The following RAPGEF1 variants were observed in gnomAD, a reference collection of about 807,000 sequenced individuals.
RAPGEF1 encodes CRK SH3-binding GNRP.
A neutral mutation model predicts 143.3 loss-of-function variants in RAPGEF1; 33 were observed. The ratio of observed to expected loss-of-function variants is 0.23; its 90% CI spans 0.17 to 0.31. The LOEUF is 0.31. RAPGEF1 is among the 10% of genes least tolerant of loss of function. The pLI, the probability that RAPGEF1 is intolerant of heterozygous loss-of-function variation, is 1.00. For missense variants in RAPGEF1, 1,199 were observed against 1,645.4 expected (o/e 0.73, Z 4.69); for synonymous variants, 629 against 676.5 (o/e 0.93, Z 1.09).
chr9:131,603,100 A>G (rs1365463229), intron 14 of RAPGEF1, among the ~76,000 whole-genome samples: 1 of 152,044 alleles, frequency 6.6e-6, no homozygotes, highest in Admixed American at 6.5e-5. Flanking sequence ...ATGTTCTATA[A>G]CCTGCTAATG....
intron 19 of RAPGEF1, 130 bp downstream of exon 19, chr9:131,589,756 A>G: frequency 1.2e-6 from 1 of 821,606 alleles, no homozygotes; most frequent in Non-Finnish European, 2.0e-6. Context: ...GGCACAGGCC[A>G]TTCTCTCAAA....
At chr9:131,683,720 T>C (rs373049288) in intron 1 of RAPGEF1, among the ~76,000 whole-genome samples, 1 of 152,248 alleles carries the variant, frequency 6.6e-6, no homozygotes, top group Non-Finnish European at 1.5e-5. Context: ...AGATGCCCTA[T>C]ATTTCAGCTC....
At chr9:131,651,090 T>C in intron 1 of RAPGEF1, 141 bp from the exon 2 acceptor site, 1 of 1,087,240 alleles carries the variant, frequency 9.2e-7, no homozygotes, top group Non-Finnish European at 1.3e-6. Context: ...GACGTATGGA[T>C]CCATTACAAA....
chr9:131,709,716 C>A, intron 1 of RAPGEF1: 2 of 1,613,496 alleles, frequency 1.2e-6, no homozygotes, highest in East Asian at 2.2e-5. Context: ...CCCTTCCCAG[C>A]CCCAGCGTCT....
At chr9:131,687,906 C>T (rs1020180502) in intron 1 of RAPGEF1, among the ~76,000 whole-genome samples, 1 of 152,178 alleles carries the variant, frequency 6.6e-6, no homozygotes, top group Non-Finnish European at 1.5e-5. Context: ...TGACAAAACC[C>T]TATGGGCTGT....
At chr9:131,630,536 G>A (rs1964560304) in intron 5 of RAPGEF1, among the ~76,000 whole-genome samples, 1 of 152,202 alleles carries the variant, frequency 6.6e-6, no homozygotes, top group African/African-American at 2.4e-5. Flanking sequence ...TTCATGGCAT[G>A]TCAAGTTTCA....
chr9:131,709,678 G>C, intron 1 of RAPGEF1: 1 of 1,613,908 alleles, frequency 6.2e-7, no homozygotes, highest in African/African-American at 1.3e-5. Context: ...CAATAGCATT[G>C]CCCATTTTAA....
At position 131,588,789 on chromosome 9, in the gene RAPGEF1, T is replaced by A; in HGVS notation, c.3053+12A>T. ...TGGGGAAGAGGCAGGGCTGGAGAGG[T>A]GGGCTTCTCACCTGGCTGCTACCCC... On this transcript the variant is annotated intron_variant, in intron 20 of 26. Coordinates refer to ENST00000683357, the MANE Select transcript of RAPGEF1 (RefSeq NM_001377935.1). 6.2e-7 allele frequency: 1 copy of A among 1,600,328 alleles called. No individual in the cohort carries two copies. Among genetic ancestry groups the A allele is most frequent in the Non-Finnish European group, 8.5e-7 (1 of 1,173,750 alleles).
At chr9:131,592,031 G>T in intron 18 of RAPGEF1, 68 bp downstream of exon 18, 1 of 1,269,050 alleles carries the variant, frequency 7.9e-7, no homozygotes, top group Non-Finnish European at 1.1e-6. Flanking sequence ...GGACTGAAGG[G>T]CAAGAGGGTC....
chr9:131,618,762 G>C (rs1959680339), intron 12 of RAPGEF1, among the ~76,000 whole-genome samples: 1 of 152,174 alleles, frequency 6.6e-6, no homozygotes, highest in Admixed American at 6.5e-5. Context: ...AAGGTCCAAA[G>C]CGAGATTGGG....
chr9:131,597,361 G>A (rs1335623520), intron 16 of RAPGEF1, among the ~76,000 whole-genome samples: 1 of 152,214 alleles, frequency 6.6e-6, no homozygotes, highest in East Asian at 1.9e-4. Context: ...AGCTGTGTGA[G>A]TACCCTCATC....
intron 1 of RAPGEF1, among the ~76,000 whole-genome samples, chr9:131,706,814 C>A (rs956008775): frequency 2.0e-5 from 3 of 152,210 alleles, no homozygotes; most frequent in Admixed American, 2.0e-4. Context: ...CAAAGATGTG[C>A]TCCTGGTCAG....
rs1830636526 is a variant in RAPGEF1 at position 131,667,554 on chromosome 9, T to C, written c.62-16605A>G. On this transcript the variant is annotated intron_variant, in intron 1 of 26. Coordinates refer to ENST00000683357, the MANE Select transcript of RAPGEF1 (RefSeq NM_001377935.1). This position sits in a 1 kb window ranked among gnomAD's most constrained non-coding sequence, Gnocchi z 4.6. ...GAAAAAGAGGCAGTCTTCTATTGTT[T>C]CAAGAGAAGAAATCTCTACCATCAC... Among the ~76,000 whole-genome samples the C allele has an allele frequency of 6.6e-6, 1 of 152,236 alleles. No homozygotes were observed. The highest frequency in any genetic ancestry group is 1.9e-4 in the East Asian group (1 of 5,202).
At chr9:131,603,369 AACTGCTGT>A (rs1442111487) in intron 14 of RAPGEF1, among the ~76,000 whole-genome samples, 1 of 152,190 alleles carries the variant, frequency 6.6e-6, no homozygotes, top group Non-Finnish European at 1.5e-5. Context: ...TGCTCAATAG[AACTGCTGT>A]ACCGCGATGG....
intron 1 of RAPGEF1, among the ~76,000 whole-genome samples, chr9:131,676,270 A>G (rs1832341664): frequency 6.6e-6 from 1 of 152,308 alleles, no homozygotes; most frequent in African/African-American, 2.4e-5. Context: ...ACCCTGAGGA[A>G]AGGGGCAAGG....
intron 1 of RAPGEF1, among the ~76,000 whole-genome samples, chr9:131,672,850 A>G: frequency 6.6e-6 from 1 of 152,036 alleles, no homozygotes; most frequent in East Asian, 1.9e-4. Flanking sequence ...CCAAATTCCA[A>G]CTAAGCAGTC....
chr9:131,622,023 A>G (rs1961234039), intron 10 of RAPGEF1, 25 bp from the exon 11 acceptor site: 9 of 1,602,596 alleles, frequency 5.6e-6, no homozygotes, highest in Non-Finnish European at 7.7e-6. Flanking sequence ...AGAAAGCTGC[A>G]GCGAGGCCGG....
At chr9:131,685,301 T>C (rs929651596) in intron 1 of RAPGEF1, among the ~76,000 whole-genome samples, 3 of 152,186 alleles carry the variant, frequency 2.0e-5, no homozygotes, top group Non-Finnish European at 4.4e-5. Context: ...AAGGCGGACA[T>C]GTTGGGAGCA....
At chr9:131,699,238 ACT>A in intron 1 of RAPGEF1, among the ~76,000 whole-genome samples, 1 of 113,422 alleles carries the variant, frequency 8.8e-6, no homozygotes, top group South Asian at 2.9e-4. Flanking sequence ...CTCCACTGAC[ACT>A]TTTTTTTTTT....
Sources: gnomAD v4.1 joint callset for allele counts (sites outside exome capture counted in the v4.1 genomes callset) on GRCh38, gnomAD v4.1.1 for gene constraint, Gnocchi (gnomAD v3.1) non-coding constraint, MANE v1.5 for transcripts, NCBI Gene and HGNC (gene_info 2026-07-23, HGNC 2026-07-21) for gene names.